CTIF: variants seen among roughly 807,000 people sequenced by gnomAD.
CTIF encodes the protein cap binding complex dependent translation initiation factor, also known as CBP80/20-dependent translation initiation factor.
Under a neutral mutation model 66.0 loss-of-function variants are expected in CTIF, and 21 were observed. The ratio of observed to expected loss-of-function variants is 0.32; its 90% CI spans 0.23 to 0.46. The LOEUF is 0.46. Among genes scored for constraint, CTIF ranks in the 20% least tolerant of loss-of-function variants. The pLI is 1.00. For missense variants in CTIF, 739 were observed against 812.7 expected, an observed-to-expected ratio of 0.91 and a Z score of 1.10; for synonymous variants, 345 against 326.4, an observed-to-expected ratio of 1.06 and a Z score of -0.62.
At chr18:48,694,310 G>A (rs931021907) in intron 6 of CTIF, among the ~76,000 whole-genome samples, 1 of 152,248 alleles carries the variant, frequency 6.6e-6, no homozygotes. Flanking sequence ...CAGGTGAGGA[G>A]GGCTGCAGGA....
chr18:48,825,171 C>T (rs1460604455), intron 10 of CTIF, among the ~76,000 whole-genome samples: 1 of 152,162 alleles, frequency 6.6e-6, no homozygotes, highest in Non-Finnish European at 1.5e-5. Flanking sequence ...TCTCCCATCT[C>T]TCTGTACCCA....
chr18:48,734,538 C>A (rs1354859567), intron 7 of CTIF, among the ~76,000 whole-genome samples: 1 of 152,104 alleles, frequency 6.6e-6, no homozygotes, highest in African/African-American at 2.4e-5. Flanking sequence ...TGCACTCTAG[C>A]CTGGGTGACA....
intron 1 of CTIF, among the ~76,000 whole-genome samples, chr18:48,563,538 C>T (rs2089211381): frequency 6.6e-6 from 1 of 152,206 alleles, no homozygotes; most frequent in Non-Finnish European, 1.5e-5. Flanking sequence ...GTGGCGCGAT[C>T]TTGACTCACT....
chr18:48,579,773 C>T (rs1270767451), intron 1 of CTIF, among the ~76,000 whole-genome samples: 2 of 152,300 alleles, frequency 1.3e-5, no homozygotes, highest in Middle Eastern at 3.4e-3. Context: ...CATTCATCTG[C>T]TTCAGGGAAA....
intron 7 of CTIF, among the ~76,000 whole-genome samples, chr18:48,725,409 C>T (rs369531403): frequency 2.9e-4 from 44 of 152,274 alleles, no homozygotes; most frequent in African/African-American, 9.9e-4. Flanking sequence ...CCTGTCCCAA[C>T]GCCCCTCCTA....
intron 6 of CTIF, among the ~76,000 whole-genome samples, chr18:48,681,868 C>T (rs2091749328): frequency 6.6e-6 from 1 of 152,138 alleles, no homozygotes; most frequent in Non-Finnish European, 1.5e-5. Flanking sequence ...TCACTGTAAC[C>T]TCCGCCTCCC....
intron 10 of CTIF, among the ~76,000 whole-genome samples, chr18:48,837,414 T>C (rs1224255570): frequency 1.3e-5 from 2 of 151,608 alleles, no homozygotes; most frequent in Non-Finnish European, 2.9e-5. Context: ...TTCTCAGTGC[T>C]GCAGGAACTC....
At chr18:48,625,688 C>T (rs554681302) in intron 2 of CTIF, among the ~76,000 whole-genome samples, 3 of 152,188 alleles carry the variant, frequency 2.0e-5, no homozygotes, top group Non-Finnish European at 4.4e-5. Context: ...TGGGCTTGCA[C>T]ATCTGCTGTG....
chr18:48,778,932 C>T (rs1910953811), intron 9 of CTIF, among the ~76,000 whole-genome samples: 1 of 152,196 alleles, frequency 6.6e-6, no homozygotes, highest in African/African-American at 2.4e-5. Flanking sequence ...TGCCACAAAG[C>T]TGTTTCAGCC....
chr18:48,684,922 C>T (rs937626982), intron 6 of CTIF, among the ~76,000 whole-genome samples: 6 of 152,108 alleles, frequency 3.9e-5, no homozygotes, highest in African/African-American at 1.4e-4. Context: ...AGGAAATTAG[C>T]ATTGACAGAA....
intron 9 of CTIF, among the ~76,000 whole-genome samples, chr18:48,778,699 A>G (rs1350688817): frequency 6.6e-6 from 1 of 152,186 alleles, no homozygotes; most frequent in Non-Finnish European, 1.5e-5. Flanking sequence ...CAGGGGCCTG[A>G]GGTGGCGGTG....
At position 48,859,566 on chromosome 18, in the gene CTIF, G is replaced by A. The variant is rs772493415; in HGVS notation, c.*7G>A. The A allele has an allele frequency of 2.5e-6, 4 of 1,613,466 alleles. No homozygotes were observed. The highest frequency in any genetic ancestry group is 4.5e-5 in the East Asian group (2 of 44,880). ...CCAGAAACTGACAGCCTGACAGCCA[G>A]GGGGCCTGGCAGGCGGCCCACGGGC... On this transcript the variant is annotated 3_prime_UTR_variant, in exon 12 of 12. Coordinates refer to ENST00000256413, the MANE Select transcript of CTIF (RefSeq NM_014772.3).
chr18:48,771,944 G>A (rs985874616), intron 9 of CTIF, among the ~76,000 whole-genome samples: 14 of 152,260 alleles, frequency 9.2e-5, no homozygotes, highest in African/African-American at 1.4e-4. Context: ...AGCTGGCACC[G>A]CCTGGGCTGA....
chr18:48,854,331 A>G (rs1281396744), intron 10 of CTIF, among the ~76,000 whole-genome samples: 2 of 152,176 alleles, frequency 1.3e-5, no homozygotes, highest in Non-Finnish European at 2.9e-5. Flanking sequence ...GGAGAGCCCC[A>G]AAGATACAAA....
intron 5 of CTIF, among the ~76,000 whole-genome samples, chr18:48,668,646 G>A (rs1482876706): frequency 6.6e-6 from 1 of 151,926 alleles, no homozygotes; most frequent in African/African-American, 2.4e-5. Flanking sequence ...TCTAGCCACA[G>A]CAAACTGGCA....
intron 1 of CTIF, among the ~76,000 whole-genome samples, chr18:48,578,241 G>A (rs2089578773): frequency 6.6e-6 from 1 of 152,060 alleles, no homozygotes; most frequent in Admixed American, 6.5e-5. Context: ...GAGCTTTGGG[G>A]GTTGTTTCCA....
intron 7 of CTIF, among the ~76,000 whole-genome samples, chr18:48,739,647 G>A (rs913474290): frequency 2.6e-5 from 4 of 152,244 alleles, no homozygotes; most frequent in Non-Finnish European, 5.9e-5. Context: ...CATACTGGGT[G>A]GTTAGCATTT....
intron 1 of CTIF, among the ~76,000 whole-genome samples, chr18:48,589,025 G>A (rs532456700): frequency 1.8e-4 from 28 of 152,254 alleles, no homozygotes; most frequent in South Asian, 6.2e-4. Context: ...GCTGCATGTC[G>A]GAGCAAATCC....
intron 1 of CTIF, among the ~76,000 whole-genome samples, chr18:48,559,818 C>T (rs759226921): frequency 5.9e-5 from 9 of 151,598 alleles, no homozygotes; most frequent in Non-Finnish European, 1.2e-4. Flanking sequence ...AGGTGAGAGG[C>T]GGGTGAAGAT....
Sources: allele counts gnomAD v4.1 joint callset (sites outside exome capture counted in the v4.1 genomes callset), GRCh38; gene constraint gnomAD v4.1.1; transcripts MANE v1.5; gene names NCBI Gene and HGNC (gene_info 2026-07-23, HGNC 2026-07-21).